Variants in ARID3B observed in about 807,000 individuals in gnomAD.
The protein encoded by ARID3B is AT-rich interactive domain-containing protein 3B.
In ARID3B, 10 loss-of-function variants were observed where a neutral mutation model predicts 51.9. That is an observed-to-expected ratio of 0.19 (90% CI 0.12 to 0.33). The LOEUF (loss-of-function observed/expected upper bound fraction) is 0.33, where lower values mean the gene tolerates loss of function less well. ARID3B is among the 10% of genes least tolerant of loss of function. The pLI is 1.00. For missense variants in ARID3B, 483 were observed against 716.3 expected (o/e 0.67, Z 3.72); for synonymous variants, 205 against 279.5 (o/e 0.73, Z 2.66).
Position 74,595,952 on chromosome 15 carries a change from A to C in ARID3B, c.*178A>C, listed in dbSNP as rs535459205. The C allele has an allele frequency of 1.4e-6, 1 of 735,610 alleles. No individual in the cohort carries two copies. Among genetic ancestry groups the C allele is most frequent in the African/African-American group, 1.8e-5 (1 of 55,770 alleles). 45.6% of individuals were successfully genotyped at this position (735,610 alleles called of 1,614,324 possible). A position where few individuals can be genotyped will look rare whatever the true frequency, so the allele number is the denominator to read the frequency against. The stretch of plus-strand genomic sequence containing the variant: ...TCAGGTCCTGCTGTACTCTGGGGGC[A>C]GGGAGAGGCTAGAGGGGCAGGACAG... On this transcript the variant is annotated 3_prime_UTR_variant, in exon 9 of 9. Coordinates refer to ENST00000346246, the MANE Select transcript of ARID3B (RefSeq NM_006465.4).
At chr15:74,541,707 G>T (rs1469914529) in intron 1 of ARID3B, among the ~76,000 whole-genome samples, 1 of 151,976 alleles carries the variant, frequency 6.6e-6, no homozygotes, top group Non-Finnish European at 1.5e-5. Flanking sequence ...GTGCAGGGGT[G>T]ACCGGGAAGG....
At chr15:74,563,702 G>A (rs2061687369) in intron 2 of ARID3B, among the ~76,000 whole-genome samples, 1 of 152,204 alleles carries the variant, frequency 6.6e-6, no homozygotes, top group Non-Finnish European at 1.5e-5. Context: ...GGAGTAAGCC[G>A]TAGTGCTGCC....
At chr15:74,546,334 G>C (rs918434513) in intron 2 of ARID3B, among the ~76,000 whole-genome samples, 28 of 152,186 alleles carry the variant, frequency 1.8e-4, no homozygotes, top group African/African-American at 6.8e-4. Context: ...ACAGCGCTGG[G>C]AAAGTTCAGG....
In ARID3B at chr15:74,591,734, G is replaced by A. The variant is rs113883275; in HGVS notation, c.1340G>A (p.Arg447His). Residue 447 changes from arginine (R) to histidine (H), a missense_variant, in exon 7 of 9, where the codon CGC becomes CAC. Physicochemically the swap from Arg to His is conservative, Grantham distance 29 (BLOSUM62 0). Coordinates refer to ENST00000346246, the MANE Select transcript of ARID3B (RefSeq NM_006465.4). This position sits in a 1 kb window ranked among gnomAD's most constrained non-coding sequence, Gnocchi z 5.8. ...TCGAGGCTGTCTGAGGAGGAGCAGC[G>A]CCTGGTGCAGCAGGCCTTCCAGCGC... is the stretch of plus-strand genomic sequence containing the variant. ...KASRLSEEEQ[R>H]LVQQAFQRNF... is the part of the protein sequence containing the mutation. 1.5e-5 allele frequency: 24 copies of A among 1,614,058 alleles called. No individual in the cohort carries two copies. Among genetic ancestry groups the A allele is most frequent in the South Asian group, 3.3e-5 (3 of 91,086 alleles).
Position 74,562,181 on chromosome 15 carries a change from G to A in ARID3B, c.553-10681G>A, listed in dbSNP as rs79277763. On this transcript the variant is annotated intron_variant, in intron 2 of 8. Transcript: ENST00000346246. Reference sequence around the variant, plus strand: ...TTGTGAGTTGAAGTCTTGCCCTGTCGCCCAGGCTGGAGTGCAATAGCACGA... The same window carrying A: ...TTGTGAGTTGAAGTCTTGCCCTGTCACCCAGGCTGGAGTGCAATAGCACGA... Among the ~76,000 whole-genome samples the A allele has an allele frequency of 4.2e-4, 63 of 151,128 alleles. No individual in the cohort carries two copies. The East Asian group carries it at 1.0e-2, about 24-fold the overall frequency.
At chr15:74,544,947 C>A (rs1317568147) in intron 2 of ARID3B, among the ~76,000 whole-genome samples, 2 of 152,138 alleles carry the variant, frequency 1.3e-5, no homozygotes, top group Non-Finnish European at 2.9e-5. Context: ...GCCTCGGCCT[C>A]CCAAAATGTT....
intron 5 of ARID3B, among the ~76,000 whole-genome samples, chr15:74,590,670 T>C (rs931817817): frequency 6.6e-6 from 1 of 152,184 alleles, no homozygotes; most frequent in African/African-American, 2.4e-5. Context: ...ATCAGTTAGG[T>C]AGCATGTTGT....
In ARID3B at chr15:74,597,484, C is replaced by T. The variant is rs1363680985; in HGVS notation, c.*1710C>T. Reference sequence around the variant, plus strand: ...AACTGCGTCTTCTCTCAGCCCTCCACACACACTCACCCCCACTCCCACACA... The same window carrying T: ...AACTGCGTCTTCTCTCAGCCCTCCATACACACTCACCCCCACTCCCACACA... On this transcript the variant is annotated 3_prime_UTR_variant, in exon 9 of 9. Transcript: ENST00000346246. 1.1e-5 allele frequency: 6 copies of T among 531,972 alleles called. No homozygotes were observed. Among genetic ancestry groups the T allele is most frequent in the East Asian group, 3.9e-5 (1 of 25,778 alleles). 33.0% of individuals were successfully genotyped at this position (531,972 alleles called of 1,614,324 possible).
At chr15:74,542,234 CA>C (rs2061597967) in intron 1 of ARID3B, among the ~76,000 whole-genome samples, 1 of 152,154 alleles carries the variant, frequency 6.6e-6, no homozygotes, top group African/African-American at 2.4e-5. Flanking sequence ...TTCTTTGACC[CA>C]AATTGTTTTC....
chr15:74,541,912 A>C (rs1399680202), intron 1 of ARID3B, among the ~76,000 whole-genome samples: 1 of 152,120 alleles, frequency 6.6e-6, no homozygotes, highest in Non-Finnish European at 1.5e-5. Flanking sequence ...AAGTTCTCCA[A>C]ATGTAGGCAG....
chr15:74,541,976 T>TG (rs1350045324), intron 1 of ARID3B, among the ~76,000 whole-genome samples: 2 of 152,114 alleles, frequency 1.3e-5, no homozygotes, highest in Non-Finnish European at 2.9e-5. Context: ...ATGGGCTCTT[T>TG]GGGGGAGGGT....
chr15:74,542,449 A>G (rs186936304), intron 1 of ARID3B, among the ~76,000 whole-genome samples: 3 of 152,354 alleles, frequency 2.0e-5, no homozygotes, highest in Admixed American at 1.3e-4. Flanking sequence ...AGGCACAAAC[A>G]GGGCTATAAG....
rs564445691 is a variant in ARID3B, at chr15:74,585,277, CCTCT to C, written c.698-4535_698-4532del. On this transcript the variant is annotated intron_variant, in intron 4 of 8. Coordinates refer to ENST00000346246, the MANE Select transcript of ARID3B (RefSeq NM_006465.4). ...CTTTTGCATTTCTTGTGGACAGAGGCCTCTCTCTCTCAGGTGAAGAGCTTCCTTA... is the reference window on the plus strand; with the variant it reads ...CTTTTGCATTTCTTGTGGACAGAGGCCTCTCTCAGGTGAAGAGCTTCCTTA... 1.8e-4 allele frequency among the ~76,000 whole-genome samples: 28 copies of C among 152,216 alleles called. No individual in the cohort carries two copies. In the South Asian group the frequency reaches 5.2e-3, roughly 28 times the overall value.
intron 2 of ARID3B, among the ~76,000 whole-genome samples, chr15:74,556,769 G>GT (rs2061659559): frequency 1.6e-5 from 2 of 126,302 alleles, no homozygotes; most frequent in African/African-American, 3.1e-5. Context: ...TCTTTTTTTT[G>GT]TTTTTTGTTT....
intron 5 of ARID3B, among the ~76,000 whole-genome samples, chr15:74,590,635 G>A (rs181089966): frequency 1.9e-4 from 29 of 152,352 alleles, no homozygotes; most frequent in Admixed American, 1.7e-3. Flanking sequence ...GTTGTTCTGT[G>A]AAGAGTATGC....
intron 2 of ARID3B, among the ~76,000 whole-genome samples, chr15:74,546,192 C>CCAGACCCGCCTCCCACTGATTG (rs2061615002): frequency 6.6e-6 from 1 of 152,224 alleles, no homozygotes; most frequent in South Asian, 2.1e-4. Flanking sequence ...GGCCGCCAGC[C>CCAGACCCGCCTCCCACTGATTG]CAGACCCGCC....
rs149907926 is a variant in ARID3B at position 74,578,169 on chromosome 15, G to T, written c.697+4965G>T. ...ACCGCACCTGGCCTGTCTTTTTTTT[G>T]TTTTTTTTTGTTTTTTTTGTTTTAA... is the stretch of plus-strand genomic sequence containing the variant. On this transcript the variant is annotated intron_variant, in intron 4 of 8. Coordinates refer to ENST00000346246, the MANE Select transcript of ARID3B (RefSeq NM_006465.4). 1.7e-3 allele frequency among the ~76,000 whole-genome samples: 237 copies of T among 139,364 alleles called. 3 individuals carry two copies. The highest frequency in any genetic ancestry group is 6.0e-3 in the African/African-American group (214 of 35,524). The allele number at this position is 139,364 out of a possible 152,430, so 91.4% of individuals were successfully genotyped here.
intron 2 of ARID3B, among the ~76,000 whole-genome samples, chr15:74,551,415 G>C (rs1438963648): frequency 6.6e-6 from 1 of 152,170 alleles, no homozygotes; most frequent in Non-Finnish European, 1.5e-5. Context: ...GTAGAAGTAA[G>C]CTTTATAGAT....
At chr15:74,578,267 G>A (rs1056358950) in intron 4 of ARID3B, among the ~76,000 whole-genome samples, 2 of 151,490 alleles carry the variant, frequency 1.3e-5, no homozygotes, top group Non-Finnish European at 2.9e-5. Flanking sequence ...TCCACCTCCT[G>A]GGTTCAAGCT....
Sources: gnomAD v4.1 joint callset for allele counts (sites outside exome capture counted in the v4.1 genomes callset) on GRCh38, gnomAD v4.1.1 for gene constraint, Gnocchi (gnomAD v3.1) non-coding constraint, MANE v1.5 for transcripts, NCBI Gene and HGNC (gene_info 2026-07-23, HGNC 2026-07-21) for gene names.